The following LRRC4C variants were observed in gnomAD, a reference collection of about 807,000 sequenced individuals.
The protein encoded by LRRC4C is leucine-rich repeat-containing protein 4C.
In LRRC4C, 5 loss-of-function variants were observed where a neutral mutation model predicts 33.6. The ratio of observed to expected loss-of-function variants is 0.15; its 90% CI spans 0.08 to 0.31. The LOEUF is 0.31. LRRC4C is among the 10% of genes least tolerant of loss of function. The pLI is 1.00. For synonymous variants in LRRC4C, 329 were observed against 302.0 expected, an observed-to-expected ratio of 1.09 and a Z score of -0.93; for missense variants, 560 against 796.7, an observed-to-expected ratio of 0.70 and a Z score of 3.58.
chr11:40,324,751 A>C (rs145479269), intron 3 of LRRC4C, among the ~76,000 whole-genome samples: 27 of 152,338 alleles, frequency 1.8e-4, no homozygotes, highest in African/African-American at 6.3e-4. Flanking sequence ...GGTAAAAATT[A>C]TGGAGAAATA....
intron 2 of LRRC4C, among the ~76,000 whole-genome samples, chr11:40,846,949 GCTCT>G (rs1244199964): frequency 2.0e-5 from 3 of 151,816 alleles, no homozygotes; most frequent in Non-Finnish European, 2.9e-5. Context: ...TCATGATTTG[GCTCT>G]CTATTATTGG....
chr11:40,869,332 G>A (rs1405525561), intron 2 of LRRC4C, among the ~76,000 whole-genome samples: 1 of 152,138 alleles, frequency 6.6e-6, no homozygotes, highest in Non-Finnish European at 1.5e-5. Flanking sequence ...TAGTCAGGCA[G>A]ACATAAGCAG....
At chr11:40,696,962 T>C (rs939473635) in intron 2 of LRRC4C, among the ~76,000 whole-genome samples, 1 of 151,922 alleles carries the variant, frequency 6.6e-6, no homozygotes, top group Non-Finnish European at 1.5e-5. Context: ...GACACGATGA[T>C]TCATTAACTT....
At chr11:41,255,444 T>G (rs891665126) in intron 1 of LRRC4C, among the ~76,000 whole-genome samples, 6 of 152,046 alleles carry the variant, frequency 3.9e-5, no homozygotes, top group Non-Finnish European at 8.8e-5. Flanking sequence ...TTGGTTTATT[T>G]ATCCCAGGCA....
At chr11:40,413,098 T>C (rs1384829306) in intron 3 of LRRC4C, among the ~76,000 whole-genome samples, 1 of 152,044 alleles carries the variant, frequency 6.6e-6, no homozygotes, top group East Asian at 1.9e-4. Flanking sequence ...GAAAAAGACA[T>C]AGTAATTGCC....
intron 1 of LRRC4C, among the ~76,000 whole-genome samples, chr11:41,264,278 G>A (rs898256226): frequency 6.6e-6 from 1 of 151,954 alleles, no homozygotes; most frequent in Non-Finnish European, 1.5e-5. Flanking sequence ...TTTTAGTAGA[G>A]ATGGGGTTTC....
rs56194204 is a variant in LRRC4C, at chr11:41,389,639, C to CAAAAA, written c.-496+69787_-496+69791dup. Among the ~76,000 whole-genome samples, 6 of 80,958 alleles carry CAAAAA rather than the reference C, an allele frequency of 7.4e-5. 1 individual carries two copies. The highest frequency in any genetic ancestry group is 8.2e-3 in the Middle Eastern group (1 of 122). 53.1% of individuals were successfully genotyped at this position (80,958 alleles called of 152,430 possible). A position where few individuals can be genotyped will look rare whatever the true frequency, so the allele number is the denominator to read the frequency against. On this transcript the variant is annotated intron_variant, in intron 1 of 6. Transcript: ENST00000528697. ...CCTAATCTAGGATAACAGTGAGCAG[C>CAAAAA]AAAAAAAAAAAAAATCACAAAAGAA...
At chr11:40,277,448 A>T (rs1009537496) in intron 4 of LRRC4C, among the ~76,000 whole-genome samples, 127 of 152,180 alleles carry the variant, frequency 8.3e-4, no homozygotes, top group African/African-American at 3.0e-3. Context: ...GAGAACACCC[A>T]GGATAAGAAG....
In LRRC4C at chr11:41,011,822, A is replaced by ATATATTATATTACATTATAT. The variant is rs1555039444; in HGVS notation, c.-495-78100_-495-78099insATATAATGTAATATAATATA. 1.3e-4 allele frequency among the ~76,000 whole-genome samples: 18 copies of ATATATTATATTACATTATAT among 141,728 alleles called. No homozygotes were observed. The East Asian group carries it at 3.7e-3, about 29-fold the overall frequency. The allele number at this position is 141,728 out of a possible 152,430, so 93.0% of individuals were successfully genotyped here. On this transcript the variant is annotated intron_variant, in intron 1 of 6. Transcript: ENST00000528697. ...ATTAAAAAAAAAATCATTCTATGTT[A>ATATATTATATTACATTATAT]TATATTATATTATATTATATTATAT... is the stretch of plus-strand genomic sequence containing the variant.
intron 3 of LRRC4C, among the ~76,000 whole-genome samples, chr11:40,577,564 A>G (rs1034684438): frequency 2.0e-5 from 3 of 152,212 alleles, no homozygotes; most frequent in African/African-American, 7.2e-5. Flanking sequence ...TTTGCCTCTC[A>G]GAAGAGATTT....
At chr11:40,429,307 C>G (rs1950827315) in intron 3 of LRRC4C, among the ~76,000 whole-genome samples, 1 of 152,142 alleles carries the variant, frequency 6.6e-6, no homozygotes, top group Non-Finnish European at 1.5e-5. Context: ...TTCCTGACCT[C>G]AAGTGATCCA....
At chr11:41,337,175 G>A (rs189448512) in intron 1 of LRRC4C, among the ~76,000 whole-genome samples, 7 of 152,050 alleles carry the variant, frequency 4.6e-5, no homozygotes, top group African/African-American at 1.7e-4. Flanking sequence ...CTTCCAAGTA[G>A]CTGGCACCAC....
intron 3 of LRRC4C, among the ~76,000 whole-genome samples, chr11:40,451,028 AATAG>A (rs1951858406): frequency 1.3e-5 from 2 of 151,708 alleles, no homozygotes; most frequent in African/African-American, 4.8e-5. Context: ...GATGGAAGTT[AATAG>A]ATGTAACTCT....
chr11:41,045,409 T>A (rs1323994784), intron 1 of LRRC4C, among the ~76,000 whole-genome samples: 1 of 152,112 alleles, frequency 6.6e-6, no homozygotes, highest in Admixed American at 6.6e-5. Flanking sequence ...AGCAAGTTAG[T>A]GGAAAGATAA....
At chr11:40,986,218 G>C (rs1852983175) in intron 1 of LRRC4C, among the ~76,000 whole-genome samples, 1 of 152,172 alleles carries the variant, frequency 6.6e-6, no homozygotes, top group African/African-American at 2.4e-5. Flanking sequence ...GAGTCCCACT[G>C]TGATTGGTGG....
intron 5 of LRRC4C, among the ~76,000 whole-genome samples, chr11:40,192,891 C>T (rs1337158131): frequency 1.3e-5 from 2 of 152,210 alleles, no homozygotes; most frequent in African/African-American, 2.4e-5. Flanking sequence ...TGTAGCCAGA[C>T]TGCCTCTCTA....
intron 6 of LRRC4C, among the ~76,000 whole-genome samples, chr11:40,138,093 A>G (rs1378486397): frequency 1.3e-5 from 2 of 152,190 alleles, no homozygotes; most frequent in African/African-American, 4.8e-5. Flanking sequence ...GTACTGTCCA[A>G]ATCCACCTCC....
intron 5 of LRRC4C, among the ~76,000 whole-genome samples, chr11:40,148,643 C>G (rs1362739194): frequency 6.6e-6 from 1 of 152,012 alleles, no homozygotes; most frequent in Non-Finnish European, 1.5e-5. Flanking sequence ...TCTGTTTATT[C>G]TGTTGGTAGT....
At chr11:40,117,211 A>G (rs72885373) in intron 6 of LRRC4C, among the ~76,000 whole-genome samples, 4,352 of 152,242 alleles carry the variant, frequency 0.029, 87 homozygotes, top group Middle Eastern at 0.034. Flanking sequence ...AAAGCAAAAT[A>G]TTTTTCACAA....
Sources: allele counts gnomAD v4.1 joint callset (sites outside exome capture counted in the v4.1 genomes callset), GRCh38; gene constraint gnomAD v4.1.1; transcripts MANE v1.5; gene names NCBI Gene and HGNC (gene_info 2026-07-23, HGNC 2026-07-21).